The following CDH13 variants were observed in gnomAD, a reference collection of about 807,000 sequenced individuals.
The protein encoded by CDH13 is cadherin-13.
CDH13 carries 24 observed loss-of-function variants against 63.8 expected under a neutral mutation model. The observed-to-expected ratio is 0.38, with a 90% CI of 0.27 to 0.53. The LOEUF is 0.53. Ranked by LOEUF, CDH13 falls within the 20% of genes least tolerant of loss-of-function variation. CDH13 has a pLI of 0.85. For synonymous variants in CDH13, 503 were observed against 355.3 expected, an observed-to-expected ratio of 1.42 and a Z score of -4.67; for missense variants, 1,049 against 903.1, an observed-to-expected ratio of 1.16 and a Z score of -2.07.
intron 7 of CDH13, among the ~76,000 whole-genome samples, chr16:83,597,160 C>G (rs1423705951): frequency 6.6e-6 from 1 of 152,104 alleles, no homozygotes; most frequent in East Asian, 1.9e-4. Flanking sequence ...GAGGTCGAGG[C>G]TGCAGTGAGC....
intron 4 of CDH13, among the ~76,000 whole-genome samples, chr16:83,146,986 G>A (rs563025874): frequency 6.6e-4 from 101 of 152,244 alleles, no homozygotes; most frequent in African/African-American, 2.3e-3. Flanking sequence ...TACCCAGCAG[G>A]CTGAGGCAGG....
intron 6 of CDH13, among the ~76,000 whole-genome samples, chr16:83,448,023 A>G (rs1345200820): frequency 6.6e-6 from 1 of 152,200 alleles, no homozygotes; most frequent in Admixed American, 6.5e-5. Flanking sequence ...TGCCTGGAGC[A>G]GGTACTTCCA....
chr16:83,694,648 G>A (rs539827666), intron 10 of CDH13, among the ~76,000 whole-genome samples: 1 of 152,296 alleles, frequency 6.6e-6, no homozygotes, highest in Non-Finnish European at 1.5e-5. Flanking sequence ...AGGAACAGGT[G>A]ACATGGGCCA....
At chr16:83,469,250 G>C (rs76385617) in intron 6 of CDH13, among the ~76,000 whole-genome samples, 3,863 of 152,210 alleles carry the variant, frequency 0.025, 172 homozygotes, top group African/African-American at 0.087. Context: ...TCTTAAAAAT[G>C]TTCAGTGTGT....
In CDH13 at chr16:83,099,650, A is replaced by T. The variant is rs546307316; in HGVS notation, c.367-25735A>T. On this transcript the variant is annotated intron_variant, in intron 3 of 13. Coordinates refer to ENST00000567109, the MANE Select transcript of CDH13 (RefSeq NM_001257.5). ...CTACATATTACTTCTAATCCTTAAC[A>T]TAACAGCCCATGATTCCACTCTTTC... 1.7e-3 allele frequency among the ~76,000 whole-genome samples: 175 copies of T among 101,954 alleles called. 1 individual carries two copies. The highest frequency in any genetic ancestry group is 8.9e-3 in the Middle Eastern group (2 of 224). The allele number at this position is 101,954 out of a possible 152,430, so 66.9% of individuals were successfully genotyped here.
chr16:83,331,325 T>C (rs193065062), intron 5 of CDH13, among the ~76,000 whole-genome samples: 1 of 152,312 alleles, frequency 6.6e-6, no homozygotes, highest in African/African-American at 2.4e-5. Flanking sequence ...AGACTCTTTT[T>C]ATAATCCCAA....
chr16:82,837,118 A>G (rs2151124448), intron 1 of CDH13, among the ~76,000 whole-genome samples: 1 of 152,308 alleles, frequency 6.6e-6, no homozygotes, highest in African/African-American at 2.4e-5. Context: ...TATTTTCCTC[A>G]GGCAGTTTGG....
At chr16:83,495,197 T>C (rs1407532024) in intron 7 of CDH13, among the ~76,000 whole-genome samples, 1 of 152,144 alleles carries the variant, frequency 6.6e-6, no homozygotes, top group Non-Finnish European at 1.5e-5. Flanking sequence ...GGGCCACAAA[T>C]AAGTTTTATA....
intron 2 of CDH13, among the ~76,000 whole-genome samples, chr16:83,018,146 C>T (rs985491979): frequency 6.6e-6 from 1 of 152,146 alleles, no homozygotes; most frequent in African/African-American, 2.4e-5. Flanking sequence ...AACCTTTGCA[C>T]TATGGGTGGC....
At chr16:83,488,953 T>G (rs1020015576) in intron 7 of CDH13, among the ~76,000 whole-genome samples, 9 of 152,094 alleles carry the variant, frequency 5.9e-5, no homozygotes, top group African/African-American at 2.2e-4. Flanking sequence ...GACTGACATA[T>G]TTTCTTCTTT....
At chr16:83,628,322 G>C (rs778393223) in intron 8 of CDH13, among the ~76,000 whole-genome samples, 1 of 152,130 alleles carries the variant, frequency 6.6e-6, no homozygotes, top group Non-Finnish European at 1.5e-5. Context: ...TGCCCAGGCT[G>C]GTCTCAAACT....
intron 7 of CDH13, among the ~76,000 whole-genome samples, chr16:83,493,558 A>G (rs1299954183): frequency 6.6e-6 from 1 of 152,214 alleles, no homozygotes. Flanking sequence ...AGCAGAAGGA[A>G]GGGCATCGTG....
At chr16:83,101,773 G>C (rs887137918) in intron 3 of CDH13, among the ~76,000 whole-genome samples, 5 of 152,160 alleles carry the variant, frequency 3.3e-5, no homozygotes, top group African/African-American at 1.2e-4. Flanking sequence ...CAGCCTGGGA[G>C]AGAGAGTGAG....
intron 3 of CDH13, among the ~76,000 whole-genome samples, chr16:83,090,902 AGTC>A (rs2033874115): frequency 6.6e-6 from 1 of 151,452 alleles, no homozygotes. Context: ...AAAAAAAAAA[AGTC>A]ATTTGGGAAC....
At chr16:83,283,069 T>G (rs1447799932) in intron 5 of CDH13, among the ~76,000 whole-genome samples, 1 of 152,208 alleles carries the variant, frequency 6.6e-6, no homozygotes, top group African/African-American at 2.4e-5. Flanking sequence ...AGTTCCCACT[T>G]AATGATGGGG....
At chr16:83,203,868 A>G (rs187045890) in intron 4 of CDH13, among the ~76,000 whole-genome samples, 12 of 152,222 alleles carry the variant, frequency 7.9e-5, no homozygotes, top group Admixed American at 7.2e-4. Context: ...GGCATGATTA[A>G]TTTATTGTCC....
chr16:82,716,443 T>C (rs899552933), intron 1 of CDH13, among the ~76,000 whole-genome samples: 11 of 151,694 alleles, frequency 7.3e-5, no homozygotes, highest in South Asian at 2.1e-4. Flanking sequence ...CTGCTAAATT[T>C]AGATAAGTCA....
At chr16:83,211,544 T>C (rs2039337234) in intron 4 of CDH13, among the ~76,000 whole-genome samples, 1 of 152,178 alleles carries the variant, frequency 6.6e-6, no homozygotes, top group Admixed American at 6.6e-5. Context: ...CATTGTATCA[T>C]TCATTACAGC....
intron 6 of CDH13, among the ~76,000 whole-genome samples, chr16:83,356,210 TCATGTGTGTG>T: frequency 8.0e-6 from 1 of 125,620 alleles, no homozygotes; most frequent in Admixed American, 8.5e-5. Flanking sequence ...TTATTTATTT[TCATGTGTGTG>T]TGTGTGTGTG....
Sources: allele counts gnomAD v4.1 joint callset (sites outside exome capture counted in the v4.1 genomes callset), GRCh38; gene constraint gnomAD v4.1.1; transcripts MANE v1.5; gene names NCBI Gene and HGNC (gene_info 2026-07-23, HGNC 2026-07-21).